KIF19: variants seen among roughly 807,000 people sequenced by gnomAD.
The protein encoded by KIF19 is kinesin family member 19, also known as kinesin-like protein KIF19.
Under a neutral mutation model 106.6 loss-of-function variants are expected in KIF19, and 98 were observed. The observed-to-expected ratio is 0.92, with a 90% CI of 0.78 to 1.09. The LOEUF (loss-of-function observed/expected upper bound fraction) is 1.09, where lower values mean the gene tolerates loss of function less well. Among genes scored for constraint, KIF19 ranks in the 50% least tolerant of loss-of-function variants. The pLI, the probability that KIF19 is intolerant of heterozygous loss-of-function variation, is 0.00. For synonymous variants in KIF19, 516 were observed against 584.2 expected (o/e 0.88, Z 1.68); for missense variants, 1,373 against 1,414.3 (o/e 0.97, Z 0.47).
rs2054528045 is a variant in KIF19, at chr17:74,346,286, G to A, written c.778-92G>A. Reference sequence around the variant, plus strand: ...AGGTCCTTGGGGGTTTATTACCCAGGATCACCAGGTCATTCATTGGTGGGG... The same window carrying A: ...AGGTCCTTGGGGGTTTATTACCCAGAATCACCAGGTCATTCATTGGTGGGG... On this transcript the variant is annotated intron_variant, in intron 7 of 19. Coordinates refer to ENST00000389916, the MANE Select transcript of KIF19 (RefSeq NM_153209.4). This position sits in a 1 kb window ranked among gnomAD's most constrained non-coding sequence, Gnocchi z 4.6. 1 of 1,395,992 alleles carries A rather than the reference G, an allele frequency of 7.2e-7. No individual in the cohort carries two copies. The highest frequency in any genetic ancestry group is 9.7e-7 in the Non-Finnish European group (1 of 1,026,678). The allele number at this position is 1,395,992 out of a possible 1,614,324, so 86.5% of individuals were successfully genotyped here. A position where few individuals can be genotyped will look rare whatever the true frequency, so the allele number is the denominator to read the frequency against.
rs376306883 is a variant in KIF19 at position 74,355,600 on chromosome 17, C to T, written c.*288C>T. 86 of 299,398 alleles carry T rather than the reference C, an allele frequency of 2.9e-4. No individual in the cohort carries two copies. Among genetic ancestry groups the T allele is most frequent in the African/African-American group, 2.1e-3 (82 of 38,776 alleles). 18.5% of individuals were successfully genotyped at this position (299,398 alleles called of 1,614,324 possible). A position where few individuals can be genotyped will look rare whatever the true frequency, so the allele number is the denominator to read the frequency against. ...TGCCAAAACCTGCACAGCCCTGAGG[C>T]CAGCCTCGGCCTTGGTAACGGAGGA... On this transcript the variant is annotated 3_prime_UTR_variant, in exon 20 of 20. Transcript: ENST00000389916.
At chr17:74,343,359 A>G (rs556124285) in intron 5 of KIF19, among the ~76,000 whole-genome samples, 199 bp downstream of exon 5, 43 of 152,096 alleles carry the variant, frequency 2.8e-4, no homozygotes, top group Non-Finnish European at 5.7e-4. Context: ...GGGGATTCAA[A>G]CTCAGGACCC....
chr17:74,352,384 A>G (rs1380934672), intron 14 of KIF19, 44 bp downstream of exon 14: 6 of 1,569,312 alleles, frequency 3.8e-6, no homozygotes, highest in Non-Finnish European at 3.4e-6. Flanking sequence ...ACATGTGCCC[A>G]GGGAGGGGCT....
At chr17:74,342,823 C>A in intron 4 of KIF19, 106 bp downstream of exon 4, 1 of 1,246,478 alleles carries the variant, frequency 8.0e-7, no homozygotes, top group Non-Finnish European at 1.2e-6. Flanking sequence ...AGGATGTGGT[C>A]GCTCCACATC....
At chr17:74,347,256 G>A (rs1051940923) in intron 8 of KIF19, among the ~76,000 whole-genome samples, 5 of 152,206 alleles carry the variant, frequency 3.3e-5, no homozygotes, top group African/African-American at 1.2e-4. Flanking sequence ...AGCAAGGAAA[G>A]CCGGGTGTGG....
chr17:74,338,835 C>A lies in KIF19; in HGVS notation c.121-3041C>A, dbSNP rs544699529. On this transcript the variant is annotated intron_variant, in intron 2 of 19. Transcript: ENST00000389916. ...GAGGATCTCCTGGATCCATGGAGCC[C>A]GGCTGTGCTCACAGCTCTGCTGCCT... Among the ~76,000 whole-genome samples the A allele has an allele frequency of 8.8e-4, 133 of 151,964 alleles. 1 individual carries two copies. The highest frequency in any genetic ancestry group is 3.1e-3 in the African/African-American group (127 of 41,520).
chr17:74,344,062 G>A (rs563701582), intron 5 of KIF19, among the ~76,000 whole-genome samples, 161 bp from the exon 6 acceptor site: 1 of 152,270 alleles, frequency 6.6e-6, no homozygotes, highest in African/African-American at 2.4e-5. Context: ...AGGAAGGAAA[G>A]GGCCTTTCCT....
chr17:74,355,199 C>A lies in KIF19; in HGVS notation c.2884C>A (p.Pro962Thr). 6.2e-7 allele frequency: 1 copy of A among 1,608,126 alleles called. No individual in the cohort carries two copies. Residue 962 changes from proline (P) to threonine (T), a missense_variant, in exon 20 of 20, where the codon CCC (proline) becomes ACC (threonine). Around this residue, in one of 3 missense-constraint regions of KIF19, gnomAD observed 1,020 missense variants for 1,008.2 expected, o/e 1.01. Coordinates refer to ENST00000389916, the MANE Select transcript of KIF19 (RefSeq NM_153209.4). Reference protein sequence around the residue: ...SQNTGPGDSSPLAVPPNPGGG... With the variant: ...SQNTGPGDSSTLAVPPNPGGG... ...TGTTGCAGGCCCGGGGGACTCCTCACCCCTGGCTGTTCCCCCCAACCCAGG... is the reference window on the plus strand; with the variant it reads ...TGTTGCAGGCCCGGGGGACTCCTCAACCCTGGCTGTTCCCCCCAACCCAGG...
rs144533830 is a variant in KIF19 at position 74,350,526 on chromosome 17, G to A, written c.1339G>A (p.Ala447Thr). 3.8e-5 allele frequency: 61 copies of A among 1,612,744 alleles called. No individual in the cohort carries two copies. In the African/African-American group the frequency reaches 5.5e-4, roughly 14 times the overall value. ...RRRLLELENR[A>T]MEVQIDTSRH... Reference sequence around the variant, plus strand: ...GCGCCTGCTGGAGCTGGAGAACCGCGCCATGGAGGTCCAGATTGACACCTC... The same window carrying A: ...GCGCCTGCTGGAGCTGGAGAACCGCACCATGGAGGTCCAGATTGACACCTC... Residue 447 changes from alanine to threonine, a missense_variant, in exon 11 of 20, where the codon GCC becomes ACC. This residue lies in a region of KIF19 where 1,020 missense variants were observed against 1,008.2 expected (regional missense o/e 1.01). Coordinates refer to ENST00000389916, the MANE Select transcript of KIF19 (RefSeq NM_153209.4).
At chr17:74,332,196 GTGTGTGTGTGTGTT>G (rs1243887227) in intron 2 of KIF19, among the ~76,000 whole-genome samples, 786 of 67,508 alleles carry the variant, frequency 0.012, 7 homozygotes, top group Admixed American at 0.031. Flanking sequence ...GTGTGTGTGT[GTGTGTGTGTGTGTT>G]TGTGTGTGTG....
intron 1 of KIF19, 73 bp from the exon 2 acceptor site, chr17:74,328,352 C>A: frequency 1.4e-6 from 2 of 1,397,366 alleles, no homozygotes; most frequent in Non-Finnish European, 2.0e-6. Flanking sequence ...AAGCCAGGGG[C>A]TTGCTTGAGG....
In KIF19 at chr17:74,350,879, G is replaced by A. The variant is rs143225781; in HGVS notation, c.1561G>A (p.Glu521Lys). 58 of 1,613,902 alleles carry A rather than the reference G, an allele frequency of 3.6e-5. No homozygotes were observed. Among genetic ancestry groups the A allele is most frequent in the African/African-American group, 1.9e-4 (14 of 75,052 alleles). Reference sequence around the variant, plus strand: ...GGAGAGCATTGCAGCCCTGGTGGACGAGCAGAAGCAACTGCGCAAGCAGAA... The same window carrying A: ...GGAGAGCATTGCAGCCCTGGTGGACAAGCAGAAGCAACTGCGCAAGCAGAA... Reference protein sequence around the residue: ...ARESIAALVDEQKQLRKQKLA... With the variant: ...ARESIAALVDKQKQLRKQKLA... The change falls in exon 12 of 20, where the codon GAG (glutamate) becomes AAG (lysine). Residue 521 changes from glutamate (E) to lysine (K), a missense_variant. This residue lies in a region of KIF19 where 1,020 missense variants were observed against 1,008.2 expected (regional missense o/e 1.01). Transcript: ENST00000389916.
At chr17:74,333,560 C>T (rs1035797946) in intron 2 of KIF19, among the ~76,000 whole-genome samples, 14 of 152,086 alleles carry the variant, frequency 9.2e-5, no homozygotes, top group African/African-American at 3.1e-4. Flanking sequence ...CGGGTTTCCT[C>T]ATGTTGGCCA....
chr17:74,340,027 G>A (rs1034435138), intron 2 of KIF19, among the ~76,000 whole-genome samples: 4 of 152,112 alleles, frequency 2.6e-5, no homozygotes, highest in African/African-American at 4.8e-5. Flanking sequence ...TTGAGCTCTT[G>A]GCACATGCCC....
chr17:74,344,429 G>A, intron 6 of KIF19, 81 bp downstream of exon 6: 2 of 1,546,548 alleles, frequency 1.3e-6, no homozygotes, highest in East Asian at 2.4e-5. Flanking sequence ...ACAGAAGCCA[G>A]GGAGCTGCTC....
Position 74,346,242 on chromosome 17 carries a change from TG to T in KIF19, c.778-134del. 1.0e-6 allele frequency: 1 copy of T among 961,376 alleles called. No homozygotes were observed. Among genetic ancestry groups the T allele is most frequent in the Non-Finnish European group, 1.5e-6 (1 of 655,200 alleles). The allele number at this position is 961,376 out of a possible 1,614,324, so 59.6% of individuals were successfully genotyped here. ...CCTTCTCCAATGCCCTCAGTGGCCT[TG>T]GCAGGAGGACGGCCACAAGGTCCTT... On this transcript the variant is annotated intron_variant, in intron 7 of 19. Coordinates refer to ENST00000389916, the MANE Select transcript of KIF19 (RefSeq NM_153209.4). This position sits in a 1 kb window ranked among gnomAD's most constrained non-coding sequence, Gnocchi z 4.6.
At chr17:74,353,676 C>CAGTG in intron 17 of KIF19, 95 bp downstream of exon 17, 8 of 933,120 alleles carry the variant, frequency 8.6e-6, no homozygotes, top group Non-Finnish European at 1.4e-5. Context: ...CTCTGCACTG[C>CAGTG]CAAGTGCAAC....
At chr17:74,348,905 C>T in intron 9 of KIF19, 1 of 473,650 alleles carries the variant, frequency 2.1e-6, no homozygotes, top group Non-Finnish European at 3.8e-6. Context: ...GATGTTCATG[C>T]AGGAGCGGTG....
At chr17:74,354,761 C>T in intron 18 of KIF19, 21 bp from the exon 19 acceptor site, 2 of 1,548,988 alleles carry the variant, frequency 1.3e-6, no homozygotes, top group Non-Finnish European at 1.7e-6. Context: ...TCGGCCTCAC[C>T]CCACTGTTCA....
Sources: allele counts gnomAD v4.1 joint callset (sites outside exome capture counted in the v4.1 genomes callset), GRCh38; gene constraint gnomAD v4.1.1; regional missense constraint gnomAD v4.1.1; non-coding constraint Gnocchi (gnomAD v3.1); transcripts MANE v1.5; gene names NCBI Gene and HGNC (gene_info 2026-07-23, HGNC 2026-07-21).